PCDH15: variants seen among roughly 807,000 people sequenced by gnomAD.
PCDH15 encodes the protein protocadherin related 15, also known as protocadherin-15.
Under a neutral mutation model 178.5 loss-of-function variants are expected in PCDH15, and 129 were observed. The ratio of observed to expected loss-of-function variants is 0.72; its 90% CI spans 0.63 to 0.84. The LOEUF is 0.84. PCDH15 is among the 40% of genes least tolerant of loss of function. The pLI, the probability that PCDH15 is intolerant of heterozygous loss-of-function variation, is 0.00. For synonymous variants in PCDH15, 800 were observed against 732.0 expected, an observed-to-expected ratio of 1.09 and a Z score of -1.50; for missense variants, 2,230 against 2,099.9, an observed-to-expected ratio of 1.06 and a Z score of -1.21.
intron 8 of PCDH15, among the ~76,000 whole-genome samples, chr10:54,303,898 C>T (rs1006813058): frequency 8.5e-5 from 13 of 152,202 alleles, no homozygotes; most frequent in African/African-American, 3.1e-4. Context: ...CAGAGATACA[C>T]TTAAACCATT....
chr10:53,823,512 T>C, intron 32 of PCDH15: 1 of 818,390 alleles, frequency 1.2e-6, no homozygotes, highest in Admixed American at 1.8e-5. Context: ...TTATTTTAAT[T>C]CCCTGCTCTT....
At chr10:54,987,997 T>A (rs1839413471) in intron 2 of PCDH15, among the ~76,000 whole-genome samples, 1 of 152,080 alleles carries the variant, frequency 6.6e-6, no homozygotes, top group Non-Finnish European at 1.5e-5. Flanking sequence ...TGGTTTGGGG[T>A]TTTACATTAC....
At chr10:53,956,910 A>G (rs1193049828) in intron 23 of PCDH15, among the ~76,000 whole-genome samples, 1 of 152,210 alleles carries the variant, frequency 6.6e-6, no homozygotes, top group Non-Finnish European at 1.5e-5. Flanking sequence ...ACGGTATGAA[A>G]TGGTAAATTA....
At chr10:54,386,305 T>C (rs1949928032) in intron 3 of PCDH15, among the ~76,000 whole-genome samples, 1 of 152,084 alleles carries the variant, frequency 6.6e-6, no homozygotes, top group Non-Finnish European at 1.5e-5. Context: ...TATGCTGTTT[T>C]CAGAAAGTTT....
chr10:54,494,702 GT>G (rs1222185840), intron 3 of PCDH15, among the ~76,000 whole-genome samples: 2 of 152,220 alleles, frequency 1.3e-5, no homozygotes, highest in South Asian at 4.2e-4. Context: ...TATGGTCATA[GT>G]TTTTTTCTCT....
intron 14 of PCDH15, among the ~76,000 whole-genome samples, chr10:54,136,803 C>T (rs1387906056): frequency 6.6e-6 from 1 of 152,176 alleles, no homozygotes; most frequent in Non-Finnish European, 1.5e-5. Context: ...TTGATCCGTC[C>T]TTACTCCTTT....
At chr10:55,303,208 G>A (rs1588894804) in intron 1 of PCDH15, among the ~76,000 whole-genome samples, 2 of 152,178 alleles carry the variant, frequency 1.3e-5, no homozygotes, top group South Asian at 2.1e-4. Flanking sequence ...TAGTATTTAT[G>A]ACTACCTTCT....
At chr10:54,773,675 A>G (rs1949350889) in intron 1 of PCDH15, among the ~76,000 whole-genome samples, 1 of 152,198 alleles carries the variant, frequency 6.6e-6, no homozygotes, top group African/African-American at 2.4e-5. Context: ...TTCTTCCATG[A>G]ATATGTTAAA....
At chr10:55,290,226 G>T (rs924128260) in intron 1 of PCDH15, among the ~76,000 whole-genome samples, 1 of 151,774 alleles carries the variant, frequency 6.6e-6, no homozygotes, top group Non-Finnish European at 1.5e-5. Flanking sequence ...ATGGGTTGAA[G>T]TCCTAATTCT....
intron 3 of PCDH15, among the ~76,000 whole-genome samples, chr10:54,849,458 A>C (rs1953574007): frequency 6.6e-6 from 1 of 152,082 alleles, no homozygotes. Context: ...ATTTTTCATA[A>C]CCCATGCACC....
chr10:54,049,452 CA>C (rs1378961932), intron 18 of PCDH15, among the ~76,000 whole-genome samples: 1 of 152,146 alleles, frequency 6.6e-6, no homozygotes, highest in Non-Finnish European at 1.5e-5. Flanking sequence ...TTCCAGTTCT[CA>C]AGGTGAATGC....
At chr10:55,275,239 A>G (rs1842558591) in intron 1 of PCDH15, among the ~76,000 whole-genome samples, 1 of 152,074 alleles carries the variant, frequency 6.6e-6, no homozygotes, top group African/African-American at 2.4e-5. Context: ...ACTTTCATCA[A>G]TCATAACTTT....
intron 2 of PCDH15, among the ~76,000 whole-genome samples, chr10:54,628,734 C>T (rs2093625041): frequency 6.6e-6 from 1 of 152,036 alleles, no homozygotes. Flanking sequence ...AATAATATGA[C>T]ATGGTTCTTG....
At chr10:54,690,163 C>A (rs560138272) in intron 1 of PCDH15, among the ~76,000 whole-genome samples, 1 of 152,220 alleles carries the variant, frequency 6.6e-6, no homozygotes, top group Non-Finnish European at 1.5e-5. Context: ...TAACACAACG[C>A]ATTACTCATG....
At chr10:54,856,304 A>T (rs1313260825) in intron 3 of PCDH15, among the ~76,000 whole-genome samples, 1 of 152,180 alleles carries the variant, frequency 6.6e-6, no homozygotes, top group African/African-American at 2.4e-5. Context: ...GAACTGGGGC[A>T]GAGGCTTCAG....
At chr10:55,359,747 TACACACACACACACACACACAC>T (rs57691062) in intron 2 of PCDH15, among the ~76,000 whole-genome samples, 2 of 81,660 alleles carry the variant, frequency 2.4e-5, no homozygotes, top group African/African-American at 7.1e-5. Context: ...TATATATATA[TACACACACACACACACACACAC>T]ACATATATAT....
intron 3 of PCDH15, among the ~76,000 whole-genome samples, chr10:54,845,122 TC>T (rs1180399872): frequency 4.0e-5 from 6 of 150,606 alleles, no homozygotes; most frequent in African/African-American, 1.2e-4. Context: ...AGCCTTTTTT[TC>T]TTTTTTCTTT....
In PCDH15 at chr10:54,471,437, C is replaced by T. The variant is rs543806686; in HGVS notation, c.157+56375G>A. Among the ~76,000 whole-genome samples the T allele has an allele frequency of 2.0e-5, 3 of 152,202 alleles. No individual in the cohort carries two copies. In the South Asian group the frequency reaches 6.2e-4, roughly 32 times the overall value. On this transcript the variant is annotated intron_variant, in intron 3 of 37. Coordinates refer to ENST00000644397, the MANE Select transcript of PCDH15 (RefSeq NM_001384140.1). ...AATAAACATGTATTTATTTTAACTA[C>T]TGTAGAAACTATTGCCATGCAATCA...
intron 16 of PCDH15, 33 bp downstream of exon 16, chr10:54,089,951 T>A: frequency 6.6e-7 from 1 of 1,525,110 alleles, no homozygotes. Context: ...TTGCTGTACA[T>A]TTTTTTAAAG....
Sources: gnomAD v4.1 joint callset for allele counts (sites outside exome capture counted in the v4.1 genomes callset) on GRCh38, gnomAD v4.1.1 for gene constraint, MANE v1.5 for transcripts, NCBI Gene and HGNC (gene_info 2026-07-23, HGNC 2026-07-21) for gene names.